MTUS2: variants seen among roughly 807,000 people sequenced by gnomAD.
The protein encoded by MTUS2 is microtubule associated scaffold protein 2.
Under a neutral mutation model 114.1 loss-of-function variants are expected in MTUS2, and 40 were observed. The observed-to-expected ratio is 0.35, with a 90% CI of 0.27 to 0.46. The LOEUF is 0.46. Among genes scored for constraint, MTUS2 ranks in the 20% least tolerant of loss-of-function variants. The pLI is 1.00. For synonymous variants in MTUS2, 688 were observed against 672.0 expected, an observed-to-expected ratio of 1.02 and a Z score of -0.37; for missense variants, 1,679 against 1,705.4, an observed-to-expected ratio of 0.98 and a Z score of 0.27.
chr13:29,393,200 G>C lies in MTUS2; in HGVS notation c.3117+33727G>C, dbSNP rs117528068. On this transcript the variant is annotated intron_variant, in intron 8 of 15. Coordinates refer to ENST00000612955, the MANE Select transcript of MTUS2 (RefSeq NM_001033602.4). ...TCTGTTATTATTTTTGTATGTTGTA[G>C]TTTCTACTGATTCTTAGGGTTCGCC... 3.4e-3 allele frequency among the ~76,000 whole-genome samples: 519 copies of C among 152,302 alleles called. 4 individuals are homozygous for C. Among genetic ancestry groups the C allele is most frequent in the Admixed American group, 5.4e-3 (83 of 15,296 alleles).
intron 5 of MTUS2, among the ~76,000 whole-genome samples, chr13:29,108,328 G>A (rs904809569): frequency 6.6e-6 from 1 of 152,184 alleles, no homozygotes; most frequent in Non-Finnish European, 1.5e-5. Context: ...AGACAATGAT[G>A]AGTTGCACCC....
Position 29,027,752 on chromosome 13 carries a change from C to T in MTUS2, c.2205+849C>T, listed in dbSNP as rs536876686. On this transcript the variant is annotated intron_variant, in intron 3 of 15. Transcript: ENST00000612955. ...ATTTTTAGTAGAGATGGGGTTTCAC[C>T]GTGGTCTTGATCTCCTGACCTCGTG... 5.3e-5 allele frequency among the ~76,000 whole-genome samples: 8 copies of T among 152,094 alleles called. No homozygotes were observed. In the East Asian group the frequency reaches 7.8e-4, roughly 15 times the overall value.
chr13:29,100,804 T>C lies in MTUS2; in HGVS notation c.2478T>C (p.Ala826=), dbSNP rs1890379092. The change falls in exon 5 of 16, where the codon GCT becomes GCC. Residue 826 remains alanine, a synonymous_variant. Coordinates refer to ENST00000612955, the MANE Select transcript of MTUS2 (RefSeq NM_001033602.4). ...ADLKKASSSN[A]AKSNLPKSGL... ...TAAAGAAAGCTTCCAGTTCAAATGC[T>C]GCAAAATCCAATCTCCCGAAATCTG... is the stretch of plus-strand genomic sequence containing the variant. 1 of 1,551,566 alleles carries C rather than the reference T, an allele frequency of 6.4e-7. No individual in the cohort carries two copies. The highest frequency in any genetic ancestry group is 2.0e-5 in the Admixed American group (1 of 50,960).
At chr13:28,976,819 T>C (rs1273789232) in intron 2 of MTUS2, among the ~76,000 whole-genome samples, 2 of 152,120 alleles carry the variant, frequency 1.3e-5, no homozygotes, top group East Asian at 1.9e-4. Context: ...ATTTGAAACA[T>C]TGGAAGTGAA....
At chr13:29,472,706 ATGTT>A (rs1450436396) in intron 9 of MTUS2, among the ~76,000 whole-genome samples, 1 of 152,230 alleles carries the variant, frequency 6.6e-6, no homozygotes, top group Non-Finnish European at 1.5e-5. Flanking sequence ...ATGGGTGAAC[ATGTT>A]TGTTGCATTT....
At chr13:28,988,377 CTGTT>C (rs1266869244) in intron 2 of MTUS2, among the ~76,000 whole-genome samples, 2 of 152,322 alleles carry the variant, frequency 1.3e-5, no homozygotes, top group African/African-American at 4.8e-5. Flanking sequence ...TTCTGAAAAT[CTGTT>C]TGTTCCCGGG....
At chr13:29,303,479 A>G (rs1488473996) in intron 6 of MTUS2, among the ~76,000 whole-genome samples, 1 of 152,160 alleles carries the variant, frequency 6.6e-6, no homozygotes, top group Non-Finnish European at 1.5e-5. Flanking sequence ...CTGAAAAACA[A>G]CATGACAAAT....
At chr13:29,045,764 C>T (rs980720741) in intron 4 of MTUS2, among the ~76,000 whole-genome samples, 4 of 152,126 alleles carry the variant, frequency 2.6e-5, no homozygotes, top group East Asian at 1.9e-4. Context: ...GTGCCTCCAT[C>T]GGGCCTTTGG....
chr13:29,349,579 C>T (rs1211219833), intron 7 of MTUS2, among the ~76,000 whole-genome samples: 1 of 151,894 alleles, frequency 6.6e-6, no homozygotes. Flanking sequence ...GAGATTTGCT[C>T]GTGGTGAATT....
chr13:29,196,221 C>T (rs1484523103), intron 5 of MTUS2, among the ~76,000 whole-genome samples: 5 of 151,772 alleles, frequency 3.3e-5, no homozygotes, highest in Non-Finnish European at 7.4e-5. Context: ...CTCAGCCTCC[C>T]GAGTAGCTGG....
intron 9 of MTUS2, among the ~76,000 whole-genome samples, chr13:29,469,722 G>A (rs7985018): frequency 0.019 from 2,949 of 151,920 alleles, 79 homozygotes; most frequent in African/African-American, 0.065. Flanking sequence ...CGGGAGGATC[G>A]TTTGAGCCCA....
rs377275638 is a variant in MTUS2, at chr13:29,143,256, TA to T, written c.2644+42287del. Among the ~76,000 whole-genome samples the T allele has an allele frequency of 7.9e-5, 12 of 152,350 alleles. No individual in the cohort carries two copies. In the East Asian group the frequency reaches 2.3e-3, roughly 29 times the overall value. On this transcript the variant is annotated intron_variant, in intron 5 of 15. Coordinates refer to ENST00000612955, the MANE Select transcript of MTUS2 (RefSeq NM_001033602.4). ...GCCTAGCTTTCTTATGTGGAAATACTAGTAGAAAAAAATAAAATGGAAAAAA... is the reference window on the plus strand; with the variant it reads ...GCCTAGCTTTCTTATGTGGAAATACTGTAGAAAAAAATAAAATGGAAAAAA...
Position 29,416,537 on chromosome 13 carries a change from C to G in MTUS2, c.3118-23446C>G, listed in dbSNP as rs370242155. On this transcript the variant is annotated intron_variant, in intron 8 of 15. Transcript: ENST00000612955. ...TATATTTATATATGCTAATATCAGT[C>G]CTTTTGCTGAAAAATTTCCAGTCAC... is the stretch of plus-strand genomic sequence containing the variant. 2.0e-5 allele frequency among the ~76,000 whole-genome samples: 3 copies of G among 151,450 alleles called. No individual in the cohort carries two copies. In the East Asian group the frequency reaches 5.8e-4, roughly 29 times the overall value.
At chr13:29,474,661 T>C (rs1880560303) in intron 9 of MTUS2, among the ~76,000 whole-genome samples, 1 of 152,190 alleles carries the variant, frequency 6.6e-6, no homozygotes, top group South Asian at 2.1e-4. Context: ...AAGATTTGCC[T>C]TATTTTTTTT....
At chr13:29,385,152 G>A (rs1872549062) in intron 8 of MTUS2, among the ~76,000 whole-genome samples, 1 of 152,194 alleles carries the variant, frequency 6.6e-6, no homozygotes, top group African/African-American at 2.4e-5. Context: ...CATAAGGCTG[G>A]CTGAAAATGT....
At chr13:29,375,976 C>A (rs977397906) in intron 8 of MTUS2, among the ~76,000 whole-genome samples, 1 of 150,990 alleles carries the variant, frequency 6.6e-6, no homozygotes, top group Non-Finnish European at 1.5e-5. Context: ...ACCACTAATA[C>A]CCCACAAGCT....
At chr13:29,444,771 G>T (rs1878153359) in intron 9 of MTUS2, among the ~76,000 whole-genome samples, 1 of 152,228 alleles carries the variant, frequency 6.6e-6, no homozygotes, top group Non-Finnish European at 1.5e-5. Context: ...GGCACAGGTG[G>T]GTGGGGAAAA....
Position 29,475,820 on chromosome 13 carries a change from G to A in MTUS2, c.3185-4330G>A, listed in dbSNP as rs74718100. ...AATCAAAAAGTTTGTCAAGTAAAAC[G>A]GTTATGGTAAGCTGAAGTTAACTTA... is the stretch of plus-strand genomic sequence containing the variant. On this transcript the variant is annotated intron_variant, in intron 9 of 15. Coordinates refer to ENST00000612955, the MANE Select transcript of MTUS2 (RefSeq NM_001033602.4). Among the ~76,000 whole-genome samples, 422 of 152,240 alleles carry A rather than the reference G, an allele frequency of 2.8e-3. 2 individuals are homozygous for A. The highest frequency in any genetic ancestry group is 9.5e-3 in the African/African-American group (396 of 41,544).
chr13:29,454,841 G>T (rs1006526822), intron 9 of MTUS2, among the ~76,000 whole-genome samples: 5 of 152,182 alleles, frequency 3.3e-5, no homozygotes. Flanking sequence ...AATCCTATTA[G>T]AATCACCTGG....
Sources: allele counts gnomAD v4.1 joint callset (sites outside exome capture counted in the v4.1 genomes callset), GRCh38; gene constraint gnomAD v4.1.1; transcripts MANE v1.5; gene names NCBI Gene and HGNC (gene_info 2026-07-23, HGNC 2026-07-21).